The following SMIM13 variants were observed in gnomAD, a reference collection of about 807,000 sequenced individuals.
SMIM13 encodes the protein small integral membrane protein 13.
A neutral mutation model predicts 5.9 loss-of-function variants in SMIM13; 3 were observed. The ratio of observed to expected loss-of-function variants is 0.51; its 90% confidence interval spans 0.23 to 1.31. SMIM13 has a LOEUF of 1.31. SMIM13 is among the 40% of genes most tolerant of loss of function. The pLI is 0.18. For missense variants in SMIM13, 85 were observed against 109.9 expected, an observed-to-expected ratio of 0.77 and a Z score of 1.01; for synonymous variants, 55 against 46.0, an observed-to-expected ratio of 1.19 and a Z score of -0.79.
intron 1 of SMIM13, among the ~76,000 whole-genome samples, chr6:11,119,429 C>T (rs1238257405): frequency 2.0e-5 from 3 of 152,004 alleles, no homozygotes; most frequent in African/African-American, 4.8e-5. Flanking sequence ...CCGAGACAGG[C>T]GAATCACGAG....
At chr6:11,126,166 C>T (rs1389780036) in intron 1 of SMIM13, among the ~76,000 whole-genome samples, 2 of 152,224 alleles carry the variant, frequency 1.3e-5, no homozygotes, top group Non-Finnish European at 1.5e-5. Context: ...TCTCCTGCCT[C>T]AGCCTCCCGA....
intron 1 of SMIM13, among the ~76,000 whole-genome samples, chr6:11,121,074 C>G (rs1758301803): frequency 6.6e-6 from 1 of 152,220 alleles, no homozygotes; most frequent in African/African-American, 2.4e-5. Context: ...AGTGAGTGCT[C>G]TTTTGCCTAT....
chr6:11,112,179 C>G (rs1758176764), intron 1 of SMIM13, among the ~76,000 whole-genome samples: 3 of 152,154 alleles, frequency 2.0e-5, no homozygotes, highest in Non-Finnish European at 4.4e-5. Context: ...GGGGCCCTCT[C>G]CTGCCCTGCT....
rs1203911693 is a variant in SMIM13 at position 11,094,300 on chromosome 6, C to T, written c.-14C>T. ...CGCCAGCCGCCCCGAGCCGACTGCC[C>T]TTCTGCCCCCAAGATGTGGCACAGC... On this transcript the variant is annotated 5_prime_UTR_variant, in exon 1 of 2. Transcript: ENST00000416247. 2 of 1,467,000 alleles carry T rather than the reference C, an allele frequency of 1.4e-6. No individual in the cohort carries two copies. The highest frequency in any genetic ancestry group is 1.4e-5 in the African/African-American group (1 of 70,934). The allele number at this position is 1,467,000 out of a possible 1,614,324, so 90.9% of individuals were successfully genotyped here.
chr6:11,126,982 C>T (rs894056065), intron 1 of SMIM13, among the ~76,000 whole-genome samples: 4 of 152,170 alleles, frequency 2.6e-5, no homozygotes, highest in Non-Finnish European at 5.9e-5. Flanking sequence ...TACTTTCCCC[C>T]AAACAAATGG....
At chr6:11,120,512 A>G (rs1429995607) in intron 1 of SMIM13, among the ~76,000 whole-genome samples, 1 of 152,196 alleles carries the variant, frequency 6.6e-6, no homozygotes, top group East Asian at 1.9e-4. Flanking sequence ...ACTCCACCCT[A>G]TGACCTAATC....
At chr6:11,125,334 G>A (rs1311784072) in intron 1 of SMIM13, among the ~76,000 whole-genome samples, 6 of 146,418 alleles carry the variant, frequency 4.1e-5, no homozygotes, top group Non-Finnish European at 7.4e-5. Flanking sequence ...GGTGGCTCAC[G>A]CCTGTAATTC....
At chr6:11,127,611 T>C (rs1758393771) in intron 1 of SMIM13, among the ~76,000 whole-genome samples, 1 of 152,198 alleles carries the variant, frequency 6.6e-6, no homozygotes, top group Non-Finnish European at 1.5e-5. Flanking sequence ...CTTACACGGA[T>C]GGCAGCAGGC....
intron 1 of SMIM13, among the ~76,000 whole-genome samples, chr6:11,107,122 G>A (rs190531413): frequency 2.8e-4 from 43 of 152,258 alleles, no homozygotes; most frequent in Admixed American, 1.8e-3. Context: ...CCTGAAAACC[G>A]TATGTCATGT....
chr6:11,104,665 G>A (rs1239263375), intron 1 of SMIM13: 1 of 1,614,232 alleles, frequency 6.2e-7, no homozygotes, highest in South Asian at 1.1e-5. Flanking sequence ...GAAATTTGCA[G>A]ACATTGGTTA....
chr6:11,099,773 A>G (rs1423276510), intron 1 of SMIM13, among the ~76,000 whole-genome samples: 1 of 152,206 alleles, frequency 6.6e-6, no homozygotes, highest in East Asian at 1.9e-4. Flanking sequence ...GTAGAGAAGC[A>G]TCATAAGCTT....
chr6:11,124,168 A>G (rs1167502646), intron 1 of SMIM13, among the ~76,000 whole-genome samples: 1 of 152,112 alleles, frequency 6.6e-6, no homozygotes, highest in East Asian at 1.9e-4. Context: ...TACCGTTCCC[A>G]GCCTCTGGGA....
At chr6:11,104,145 G>T (rs559357034) in intron 1 of SMIM13, 1 of 1,551,718 alleles carries the variant, frequency 6.4e-7, no homozygotes, top group East Asian at 2.4e-5. Flanking sequence ...AATGTTGTTG[G>T]CTATTTCCTT....
intron 1 of SMIM13, among the ~76,000 whole-genome samples, chr6:11,094,970 C>G (rs924984744): frequency 5.3e-5 from 8 of 152,128 alleles, no homozygotes; most frequent in African/African-American, 1.7e-4. Context: ...GGTGCTATTT[C>G]GAATGCTGTG....
chr6:11,128,481 T>G (rs1758407231), intron 1 of SMIM13, among the ~76,000 whole-genome samples: 1 of 152,092 alleles, frequency 6.6e-6, no homozygotes, highest in South Asian at 2.1e-4. Flanking sequence ...CTGTACTGCT[T>G]GTAGTTGAGG....
Position 11,094,288 on chromosome 6 carries a change from G to T in SMIM13, c.-26G>T. On this transcript the variant is annotated 5_prime_UTR_variant, in exon 1 of 2. Coordinates refer to ENST00000416247, the MANE Select transcript of SMIM13 (RefSeq NM_001135575.2). ...CACCGCCGTCCGCGCCAGCCGCCCC[G>T]AGCCGACTGCCCTTCTGCCCCCAAG... The T allele has an allele frequency of 7.1e-7, 1 of 1,403,548 alleles. No individual in the cohort carries two copies. The highest frequency in any genetic ancestry group is 2.9e-5 in the East Asian group (1 of 34,226). The allele number at this position is 1,403,548 out of a possible 1,614,324, so 86.9% of individuals were successfully genotyped here.
chr6:11,130,246 G>A (rs1195735132), intron 1 of SMIM13, among the ~76,000 whole-genome samples: 1 of 115,784 alleles, frequency 8.6e-6, no homozygotes, highest in East Asian at 2.4e-4. Context: ...CATTACAGTA[G>A]TCATTGTAAA....
chr6:11,129,479 A>C (rs1373659512), intron 1 of SMIM13, among the ~76,000 whole-genome samples: 2 of 152,260 alleles, frequency 1.3e-5, no homozygotes, highest in East Asian at 3.8e-4. Flanking sequence ...ATAGTTCTGC[A>C]ATAAACATGA....
chr6:11,103,717 T>C (rs1455508568), intron 1 of SMIM13: 4 of 1,551,242 alleles, frequency 2.6e-6, no homozygotes, highest in East Asian at 4.9e-5. Context: ...TCTTGAATAT[T>C]GCGAGGATGG....
Sources: allele counts gnomAD v4.1 joint callset (sites outside exome capture counted in the v4.1 genomes callset), GRCh38; gene constraint gnomAD v4.1.1; transcripts MANE v1.5; gene names NCBI Gene and HGNC (gene_info 2026-07-23, HGNC 2026-07-21).